The following DCUN1D2 variants were observed in gnomAD, a reference collection of about 807,000 sequenced individuals.
The protein encoded by DCUN1D2 is defective in cullin neddylation 1 domain containing 2, also known as DCN1-like protein 2.
A neutral mutation model predicts 30.9 loss-of-function variants in DCUN1D2; 29 were observed. That is an observed-to-expected ratio of 0.94 (90% CI 0.70 to 1.28). The LOEUF is 1.28. Among genes scored for constraint, DCUN1D2 ranks in the 50% most tolerant of loss-of-function variants. DCUN1D2 has a pLI of 0.00. For synonymous variants in DCUN1D2, 121 were observed against 115.3 expected, an observed-to-expected ratio of 1.05 and a Z score of -0.32; for missense variants, 325 against 316.9, an observed-to-expected ratio of 1.03 and a Z score of -0.19.
chr13:113,458,146 A>G (rs756771948), intron 6 of DCUN1D2, 38 bp from the exon 7 acceptor site: 1 of 1,559,094 alleles, frequency 6.4e-7, no homozygotes, highest in South Asian at 1.1e-5. Flanking sequence ...CCGTTAGAGC[A>G]CCGTTTTTAT....
At chr13:113,459,646 T>C (rs2044286575) in intron 5 of DCUN1D2, 1 of 337,890 alleles carries the variant, frequency 3.0e-6, no homozygotes, top group Non-Finnish European at 5.4e-6. Context: ...ATTACAATTA[T>C]AAACTCCTGT....
intron 1 of DCUN1D2, among the ~76,000 whole-genome samples, chr13:113,489,967 C>G (rs1009376483): frequency 6.6e-6 from 1 of 152,114 alleles, no homozygotes; most frequent in African/African-American, 2.4e-5. Context: ...TCATGCCTGG[C>G]CCAGCACCAG....
chr13:113,477,378 T>C (rs1007501652), intron 3 of DCUN1D2, among the ~76,000 whole-genome samples: 3 of 152,114 alleles, frequency 2.0e-5, no homozygotes, highest in East Asian at 1.9e-4. Context: ...TTTTGTATTT[T>C]TGAAGATACC....
At chr13:113,491,483 C>CCCTT (rs2045043382), upstream of DCUN1D2, among the ~76,000 whole-genome samples, 3 of 147,180 alleles carry the variant, frequency 2.0e-5, no homozygotes, top group African/African-American at 7.6e-5. Flanking sequence ...CCCAGGGGTC[C>CCCTT]CCTTCCTTCC....
chr13:113,459,432 ACCCACCAGGTTT>A, intron 5 of DCUN1D2, 24 bp from the exon 6 acceptor site: 1 of 1,128,348 alleles, frequency 8.9e-7, no homozygotes, highest in Non-Finnish European at 1.3e-6. Flanking sequence ...GAAAAAAAAA[ACCCACCAGGTTT>A]AAAATACAGA....
rs140584091 is a variant in DCUN1D2 at position 113,463,863 on chromosome 13, G to A, written c.521-2727C>T. Among the ~76,000 whole-genome samples the A allele has an allele frequency of 2.2e-3, 333 of 152,160 alleles. 4 individuals are homozygous for A. The Middle Eastern group carries it at 0.024, about 11-fold the overall frequency. ...ACAAAGGAAATAAAGGGTAATCTGT[G>A]TCTTTTGGCTCCATGTTCCCACGGC... On this transcript the variant is annotated intron_variant, in intron 4 of 6. Coordinates refer to ENST00000478244, the MANE Select transcript of DCUN1D2 (RefSeq NM_001014283.2).
intron 4 of DCUN1D2, among the ~76,000 whole-genome samples, chr13:113,465,288 A>G (rs1211173993): frequency 6.6e-6 from 1 of 152,204 alleles, no homozygotes. Context: ...TAAAATTTGG[A>G]TCAGACTAAT....
At chr13:113,462,921 G>A (rs1462522205) in intron 4 of DCUN1D2, 1 of 1,225,478 alleles carries the variant, frequency 8.2e-7, no homozygotes, top group African/African-American at 1.6e-5. Flanking sequence ...AAAGTTTTAT[G>A]GCACACATTT....
intron 4 of DCUN1D2, among the ~76,000 whole-genome samples, chr13:113,471,491 A>T (rs1414633301): frequency 1.3e-5 from 2 of 152,262 alleles, no homozygotes; most frequent in Non-Finnish European, 1.5e-5. Flanking sequence ...TAATTCAAGA[A>T]CATTCTCCCT....
intron 3 of DCUN1D2, among the ~76,000 whole-genome samples, chr13:113,477,834 G>T (rs766271780): frequency 4.6e-5 from 7 of 151,772 alleles, no homozygotes; most frequent in Non-Finnish European, 1.0e-4. Flanking sequence ...AACATTAAAC[G>T]GATCTTGCAT....
intron 4 of DCUN1D2, chr13:113,463,218 C>T (rs2044346708): frequency 6.5e-6 from 1 of 154,890 alleles, no homozygotes; most frequent in Non-Finnish European, 1.4e-5. Flanking sequence ...TTCCCAGAAC[C>T]TCTAAAAAGT....
upstream of DCUN1D2, among the ~76,000 whole-genome samples, chr13:113,491,549 C>T (rs889447001): frequency 1.3e-5 from 2 of 152,216 alleles, no homozygotes; most frequent in African/African-American, 2.4e-5. Flanking sequence ...GCTCACCTCC[C>T]CTCTCTCTCT....
At position 113,490,493 on chromosome 13, in the gene DCUN1D2, A is replaced by C. The variant is rs2139764341; in HGVS notation, c.3+174T>G. ...CGCTCCCCGCGGTCCCGCGCCTCCG[A>C]CGCCACCGCTCCGGCTCGCGGGCCC... is the stretch of plus-strand genomic sequence containing the variant. On this transcript the variant is annotated intron_variant, in intron 1 of 6. Coordinates refer to ENST00000478244, the MANE Select transcript of DCUN1D2 (RefSeq NM_001014283.2). The surrounding 1 kb of genome is among the most constrained non-coding windows in gnomAD (Gnocchi z 5.2). 1 of 680,052 alleles carries C rather than the reference A, an allele frequency of 1.5e-6. No individual in the cohort carries two copies. The highest frequency in any genetic ancestry group is 2.1e-6 in the Non-Finnish European group (1 of 485,766). 42.1% of individuals were successfully genotyped at this position (680,052 alleles called of 1,614,324 possible).
At chr13:113,487,888 A>C (rs373818511) in intron 1 of DCUN1D2, among the ~76,000 whole-genome samples, 9 of 152,374 alleles carry the variant, frequency 5.9e-5, no homozygotes, top group East Asian at 5.8e-4. Flanking sequence ...TTGTACCCTC[A>C]GACCCTCCAA....
chr13:113,487,763 G>A (rs2044833762), intron 1 of DCUN1D2, among the ~76,000 whole-genome samples: 1 of 152,182 alleles, frequency 6.6e-6, no homozygotes, highest in Non-Finnish European at 1.5e-5. Context: ...AATGTTTTAG[G>A]ACTAGATAGA....
chr13:113,481,135 G>A (rs1439201460), intron 2 of DCUN1D2, among the ~76,000 whole-genome samples: 3 of 152,128 alleles, frequency 2.0e-5, no homozygotes, highest in African/African-American at 7.2e-5. Context: ...ACAATATCTT[G>A]AGTTTTTATC....
chr13:113,487,850 T>C (rs2044835679), intron 1 of DCUN1D2, among the ~76,000 whole-genome samples: 1 of 152,248 alleles, frequency 6.6e-6, no homozygotes, highest in South Asian at 2.1e-4. Context: ...TTTTATGTTA[T>C]ATGAATTTCA....
chr13:113,485,720 T>G (rs1217699876), intron 1 of DCUN1D2, among the ~76,000 whole-genome samples: 2 of 152,076 alleles, frequency 1.3e-5, no homozygotes, highest in African/African-American at 2.4e-5. Flanking sequence ...AGGACGATTC[T>G]GCAGAGGCAT....
chr13:113,487,027 T>C (rs1190811994), intron 1 of DCUN1D2, among the ~76,000 whole-genome samples: 2 of 152,236 alleles, frequency 1.3e-5, no homozygotes, highest in African/African-American at 4.8e-5. Context: ...ACTACATTAT[T>C]TCCTGAAACT....
Sources: allele counts gnomAD v4.1 joint callset (sites outside exome capture counted in the v4.1 genomes callset), GRCh38; gene constraint gnomAD v4.1.1; non-coding constraint Gnocchi (gnomAD v3.1); transcripts MANE v1.5; gene names NCBI Gene and HGNC (gene_info 2026-07-23, HGNC 2026-07-21).